The following HECTD4 variants were observed in gnomAD, a reference collection of about 807,000 sequenced individuals.
The protein encoded by HECTD4 is probable E3 ubiquitin-protein ligase HECTD4.
HECTD4 carries 114 observed loss-of-function variants against 471.5 expected under a neutral mutation model. The observed-to-expected ratio is 0.24, with a 90% confidence interval of 0.21 to 0.28. The LOEUF is 0.28. Ranked by LOEUF, HECTD4 falls within the 10% of genes least tolerant of loss-of-function variation. The pLI is 1.00. For synonymous variants in HECTD4, 2,012 were observed against 2,256.0 expected, an observed-to-expected ratio of 0.89 and a Z score of 3.07; for missense variants, 3,866 against 5,651.5, an observed-to-expected ratio of 0.68 and a Z score of 10.13.
At chr12:112,342,964 G>GT (rs1464836651) in intron 1 of HECTD4, among the ~76,000 whole-genome samples, 10 of 152,122 alleles carry the variant, frequency 6.6e-5, no homozygotes, top group African/African-American at 2.4e-4. Flanking sequence ...TTATTACACT[G>GT]ATGCACATGT....
intron 7 of HECTD4, among the ~76,000 whole-genome samples, chr12:112,296,161 T>C (rs1594019995): frequency 6.7e-6 from 1 of 149,708 alleles, no homozygotes; most frequent in South Asian, 2.1e-4. Context: ...AGGTGGTAGG[T>C]GCACAGGGTG....
At chr12:112,272,799 T>TACTGTTACTGACAATGCTACTGG (rs2034443063) in intron 11 of HECTD4, among the ~76,000 whole-genome samples, 1 of 152,214 alleles carries the variant, frequency 6.6e-6, no homozygotes, top group Non-Finnish European at 1.5e-5. Flanking sequence ...CCAAGATGAC[T>TACTGTTACTGACAATGCTACTGG]ACTGTTACTG....
chr12:112,325,867 C>T (rs951393873), intron 1 of HECTD4, among the ~76,000 whole-genome samples: 39 of 151,568 alleles, frequency 2.6e-4, no homozygotes, highest in African/African-American at 9.4e-4. Flanking sequence ...GCTCTGTCAC[C>T]CAGGCTGCTG....
In HECTD4 at chr12:112,342,052, T is replaced by C. The variant is rs560897849; in HGVS notation, c.178-22310A>G. On this transcript the variant is annotated intron_variant, in intron 1 of 75. Coordinates refer to ENST00000682272, the MANE Select transcript of HECTD4 (RefSeq NM_001388303.1). ...TAACCTATAGCTTCACTTTTTGATA[T>C]ATGAAATGATTTATTGTTGAAGGCT... Among the ~76,000 whole-genome samples, 12 of 152,374 alleles carry C rather than the reference T, an allele frequency of 7.9e-5. No homozygotes were observed. The South Asian group carries it at 2.5e-3, about 32-fold the overall frequency.
At chr12:112,238,524 A>C (rs2033566539) in intron 34 of HECTD4, among the ~76,000 whole-genome samples, 1 of 152,216 alleles carries the variant, frequency 6.6e-6, no homozygotes. Flanking sequence ...GTTTGAGACC[A>C]ACCTGGGCAA....
chr12:112,340,585 T>C (rs1487917758), intron 1 of HECTD4, among the ~76,000 whole-genome samples: 1 of 152,106 alleles, frequency 6.6e-6, no homozygotes, highest in African/African-American at 2.4e-5. Context: ...CATCCTACAA[T>C]GCACAGGACA....
At chr12:112,342,184 G>T (rs1412024182) in intron 1 of HECTD4, among the ~76,000 whole-genome samples, 1 of 152,218 alleles carries the variant, frequency 6.6e-6, no homozygotes, top group African/African-American at 2.4e-5. Context: ...GGCCGGGCAT[G>T]GTGGCTCACA....
In HECTD4 at chr12:112,185,300, C is replaced by T. The variant is rs1593907229; in HGVS notation, c.9666G>A (p.Leu3222=). The change falls in exon 61 of 76, where the codon CTG becomes CTA. Residue 3222 remains leucine, a synonymous_variant. Coordinates refer to ENST00000682272, the MANE Select transcript of HECTD4 (RefSeq NM_001388303.1). ...LMALQSELHK[L]YDEETQNWVS... Reference sequence around the variant, plus strand: ...CCCAGTTCTGCGTCTCCTCGTCGTACAGCTTGTGGAGCTCCGACTGCAAGG... The same window carrying T: ...CCCAGTTCTGCGTCTCCTCGTCGTATAGCTTGTGGAGCTCCGACTGCAAGG... 1 of 1,563,600 alleles carries T rather than the reference C, an allele frequency of 6.4e-7. No homozygotes were observed.
chr12:112,189,550 CAAAA>C (rs57209316), intron 60 of HECTD4, among the ~76,000 whole-genome samples: 19 of 30,428 alleles, frequency 6.2e-4, no homozygotes, highest in Admixed American at 1.1e-3. Context: ...GACTCCGTCT[CAAAA>C]AAAAAAAAAA....
chr12:112,272,086 T>C (rs2034425800), intron 11 of HECTD4, among the ~76,000 whole-genome samples: 1 of 152,168 alleles, frequency 6.6e-6, no homozygotes, highest in Non-Finnish European at 1.5e-5. Flanking sequence ...AGTTAAGTTG[T>C]TGCCCAGGCT....
intron 1 of HECTD4, chr12:112,322,554 T>C (rs1466874028): frequency 6.6e-6 from 1 of 152,524 alleles, no homozygotes; most frequent in Non-Finnish European, 1.5e-5. Context: ...GGCTCGTATG[T>C]AATAAGCATC....
In HECTD4 at chr12:112,185,359, G is replaced by A; in HGVS notation, c.9607C>T (p.Leu3203Phe). 1 of 1,607,146 alleles carries A rather than the reference G, an allele frequency of 6.2e-7. No individual in the cohort carries two copies. Among genetic ancestry groups the A allele is most frequent in the Non-Finnish European group, 8.5e-7 (1 of 1,177,258 alleles). The change falls in exon 61 of 76, where the codon CTC (leucine) becomes TTC (phenylalanine). Residue 3203 changes from leucine (L) to phenylalanine (F), a missense_variant. Transcript: ENST00000682272. ...HPAGLSSSIA[L>F]QLNPCLAMLM... ...ATGGCCAGGCAGGGGTTCAGCTGGA[G>A]GGCGATTGAGGAGGACAGGCCAGCG...
chr12:112,335,847 T>C (rs2035947901), intron 1 of HECTD4, among the ~76,000 whole-genome samples: 1 of 152,096 alleles, frequency 6.6e-6, no homozygotes, highest in Non-Finnish European at 1.5e-5. Flanking sequence ...TAAATAAGTG[T>C]TCTAGTTAAT....
chr12:112,227,842 C>T (rs1440864203), intron 43 of HECTD4, among the ~76,000 whole-genome samples: 4 of 152,102 alleles, frequency 2.6e-5, no homozygotes, highest in Admixed American at 2.0e-4. Context: ...TCATACATCA[C>T]ATTTCATTTG....
chr12:112,377,272 TA>T lies in HECTD4; in HGVS notation c.177+4679del, dbSNP rs898563634. Among the ~76,000 whole-genome samples the T allele has an allele frequency of 3.8e-3, 548 of 142,810 alleles. 5 individuals carry two copies. The highest frequency in any genetic ancestry group is 0.01 in the African/African-American group (393 of 39,102). The allele number at this position is 142,810 out of a possible 152,430, so 93.7% of individuals were successfully genotyped here. Reference sequence around the variant, plus strand: ...CAATATAGCAAGGCCCCAACTCTAATAAAAAAAAAAAATAAAACAAAAAAAC... The same window carrying T: ...CAATATAGCAAGGCCCCAACTCTAATAAAAAAAAAAATAAAACAAAAAAAC... On this transcript the variant is annotated intron_variant, in intron 1 of 75. Coordinates refer to ENST00000682272, the MANE Select transcript of HECTD4 (RefSeq NM_001388303.1).
chr12:112,268,134 T>A (rs578162951), intron 13 of HECTD4, among the ~76,000 whole-genome samples: 2 of 152,334 alleles, frequency 1.3e-5, no homozygotes, highest in South Asian at 4.1e-4. Context: ...TCTTTTCTTT[T>A]TTAATTGAGG....
In HECTD4 at chr12:112,190,922, C is replaced by A; in HGVS notation, c.9336G>T (p.Leu3112=). 1 of 1,569,202 alleles carries A rather than the reference C, an allele frequency of 6.4e-7. No homozygotes were observed. Among genetic ancestry groups the A allele is most frequent in the East Asian group, 2.4e-5 (1 of 42,206 alleles). ...CCATAGCCAGTGGGAACTCCAGGGG[C>A]AGGGAATGTAACACCAGGACTGCTC... ...PPGAVLVLHS[L]PLEFPLAMAF... The change falls in exon 60 of 76, where the codon CTG becomes CTT. Residue 3112 remains leucine (L), a synonymous_variant. Transcript: ENST00000682272.
chr12:112,178,169 A>G (rs1225234006), intron 64 of HECTD4, among the ~76,000 whole-genome samples: 3 of 152,118 alleles, frequency 2.0e-5, no homozygotes, highest in African/African-American at 7.2e-5. Flanking sequence ...GGCTCAAGCC[A>G]TCCTCCTGCC....
At position 112,201,664 on chromosome 12, in the gene HECTD4, T is replaced by C. The variant is rs1156296581; in HGVS notation, c.8407-866A>G. On this transcript the variant is annotated intron_variant, in intron 54 of 75. Transcript: ENST00000682272. ...AGTACTGAGTGTTTTAGTTTTTCCA[T>C]ACCAGATGGAAAATTTTTATTGATA... 3.9e-5 allele frequency among the ~76,000 whole-genome samples: 6 copies of C among 152,262 alleles called. No individual in the cohort carries two copies. The South Asian group carries it at 6.2e-4, about 16-fold the overall frequency.
Sources: gnomAD v4.1 joint callset for allele counts (sites outside exome capture counted in the v4.1 genomes callset) on GRCh38, gnomAD v4.1.1 for gene constraint, MANE v1.5 for transcripts, NCBI Gene and HGNC (gene_info 2026-07-23, HGNC 2026-07-21) for gene names.